VPS13A: variants seen among roughly 807,000 people sequenced by gnomAD.
VPS13A encodes intermembrane lipid transfer protein VPS13A.
Under a neutral mutation model 390.9 loss-of-function variants are expected in VPS13A, and 264 were observed. The ratio of observed to expected loss-of-function variants is 0.68; its 90% CI spans 0.61 to 0.75. VPS13A has a LOEUF of 0.75. Among genes scored for constraint, VPS13A ranks in the 30% least tolerant of loss-of-function variants. The probability of loss-of-function intolerance (pLI) is 0.00; values close to 1 mark genes in which losing one functional copy is unlikely to be tolerated. For synonymous variants in VPS13A, 1,231 were observed against 1,227.1 expected, an observed-to-expected ratio of 1.00 and a Z score of -0.07; for missense variants, 3,409 against 3,733.9, an observed-to-expected ratio of 0.91 and a Z score of 2.27.
intron 44 of VPS13A, 34 bp from the exon 45 acceptor site, chr9:77,323,033 A>G: frequency 6.7e-7 from 1 of 1,499,574 alleles, no homozygotes; most frequent in African/African-American, 1.4e-5. Flanking sequence ...AATGAATTAT[A>G]ATAAAAACTT....
At chr9:77,296,496 C>T (rs763640175) in intron 33 of VPS13A, among the ~76,000 whole-genome samples, 3 of 151,982 alleles carry the variant, frequency 2.0e-5, no homozygotes, top group Non-Finnish European at 2.9e-5. Context: ...ATATAATTCT[C>T]TTGCTTGTCT....
intron 52 of VPS13A, among the ~76,000 whole-genome samples, chr9:77,349,481 C>T (rs1431634414): frequency 1.3e-5 from 2 of 152,050 alleles, no homozygotes; most frequent in Non-Finnish European, 2.9e-5. Flanking sequence ...AATAGGTTCC[C>T]GATGTCAGTT....
At chr9:77,306,194 T>C (rs1270188202) in intron 34 of VPS13A, among the ~76,000 whole-genome samples, 1 of 152,122 alleles carries the variant, frequency 6.6e-6, no homozygotes, top group East Asian at 1.9e-4. Flanking sequence ...AAACACTAAA[T>C]TAGTGTGTCA....
At chr9:77,295,263 A>G (rs1008978879) in intron 32 of VPS13A, among the ~76,000 whole-genome samples, 2 of 152,106 alleles carry the variant, frequency 1.3e-5, no homozygotes, top group African/African-American at 4.8e-5. Context: ...CATTAGGGAA[A>G]GTGAGATAAG....
chr9:77,325,820 G>A (rs1829991837), intron 45 of VPS13A, among the ~76,000 whole-genome samples: 2 of 151,828 alleles, frequency 1.3e-5, no homozygotes, highest in African/African-American at 4.8e-5. Context: ...ATACATTTTT[G>A]TGTCTATGTA....
chr9:77,415,741 A>C (rs544502172), intron 71 of VPS13A, among the ~76,000 whole-genome samples: 1 of 152,256 alleles, frequency 6.6e-6, no homozygotes, highest in South Asian at 2.1e-4. Flanking sequence ...CCTTAGAAGA[A>C]CTGCATTCCT....
At position 77,416,129 on chromosome 9, in the gene VPS13A, AAAAC is replaced by A. The variant is rs1383733588; in HGVS notation, c.*127_*130del. On this transcript the variant is annotated 3_prime_UTR_variant, in exon 72 of 72. Transcript: ENST00000360280. Reference sequence around the variant, plus strand: ...AAGTACCCTGTATTCTGGATGCTAAAAAACAAAAACAAACAAAAAAACAAAAACA... The same window carrying A: ...AAGTACCCTGTATTCTGGATGCTAAAAAAAACAAACAAAAAAACAAAAACA... 1.7e-6 allele frequency: 2 copies of A among 1,162,388 alleles called. No individual in the cohort carries two copies. Among genetic ancestry groups the A allele is most frequent in the Non-Finnish European group, 2.5e-6 (2 of 804,282 alleles). The allele number at this position is 1,162,388 out of a possible 1,614,324, so 72.0% of individuals were successfully genotyped here.
At chr9:77,407,651 C>A in intron 71 of VPS13A, 44 bp downstream of exon 71, 1 of 1,409,594 alleles carries the variant, frequency 7.1e-7, no homozygotes, top group Non-Finnish European at 1.0e-6. Context: ...CTGCTCACTT[C>A]AAAATCATGT....
In VPS13A at chr9:77,212,313, C is replaced by T. The variant is rs11145340; in HGVS notation, c.556-656C>T. ...TTATATTCTCCTGCATACTGAGCTA[C>T]TTCAGTTGCCTGAATGTGCCATATA... On this transcript the variant is annotated intron_variant, in intron 7 of 71. Transcript: ENST00000360280. Among the ~76,000 whole-genome samples the T allele has an allele frequency of 1.5e-3, 236 of 152,312 alleles. 8 individuals carry two copies. In the East Asian group the frequency reaches 0.038, roughly 25 times the overall value.
At chr9:77,308,854 T>C (rs183453699) in intron 35 of VPS13A, among the ~76,000 whole-genome samples, 29 of 152,316 alleles carry the variant, frequency 1.9e-4, no homozygotes, top group Admixed American at 4.6e-4. Context: ...CACAGCATTT[T>C]TACTCAGGGA....
chr9:77,228,786 G>A (rs149141446), intron 17 of VPS13A, among the ~76,000 whole-genome samples: 3 of 152,226 alleles, frequency 2.0e-5, no homozygotes, highest in African/African-American at 7.2e-5. Flanking sequence ...CACATGGCTG[G>A]GGAGGCCTCA....
At chr9:77,271,731 G>T (rs1826365211) in intron 23 of VPS13A, among the ~76,000 whole-genome samples, 1 of 152,038 alleles carries the variant, frequency 6.6e-6, no homozygotes, top group Non-Finnish European at 1.5e-5. Context: ...GGATTACTTG[G>T]CAATTCATTT....
Position 77,210,568 on chromosome 9 carries a change from A to T in VPS13A, c.496-48A>T, listed in dbSNP as rs752813760. On this transcript the variant is annotated intron_variant, in intron 6 of 71. Transcript: ENST00000360280. ...CAGTTTTTTCTATAAAGTGGATTTT[A>T]TCCAACTACTAAAAATCTGAATAAA... 1.9e-6 allele frequency: 3 copies of T among 1,576,164 alleles called. No homozygotes were observed. In the South Asian group the frequency reaches 3.3e-5, roughly 18 times the overall value.
intron 35 of VPS13A, among the ~76,000 whole-genome samples, chr9:77,310,145 G>A (rs951086319): frequency 4.6e-5 from 7 of 151,968 alleles, no homozygotes; most frequent in African/African-American, 1.7e-4. Flanking sequence ...ATACCCATTC[G>A]TAAAAGAAAT....
chr9:77,191,381 C>T (rs564121790), intron 1 of VPS13A, among the ~76,000 whole-genome samples: 1 of 151,296 alleles, frequency 6.6e-6, no homozygotes, highest in East Asian at 1.9e-4. Flanking sequence ...GCAGCCTCCA[C>T]CTTCCAGGCT....
intron 19 of VPS13A, among the ~76,000 whole-genome samples, chr9:77,242,568 G>T (rs1411475175): frequency 2.0e-5 from 3 of 151,918 alleles, no homozygotes; most frequent in Non-Finnish European, 4.4e-5. Flanking sequence ...TAAAATCTGG[G>T]AATTCCATTC....
intron 15 of VPS13A, 150 bp from the exon 16 acceptor site, chr9:77,227,241 T>C: frequency 6.4e-6 from 4 of 620,944 alleles, no homozygotes; most frequent in Non-Finnish European, 1.1e-5. Flanking sequence ...ACTTGTAAAA[T>C]TGCCAGCCCC....
intron 46 of VPS13A, among the ~76,000 whole-genome samples, 191 bp downstream of exon 46, chr9:77,332,304 A>C (rs376703396): frequency 6.6e-6 from 1 of 152,020 alleles, no homozygotes; most frequent in African/African-American, 2.4e-5. Context: ...CAAGCACACT[A>C]TATATGCTTT....
intron 41 of VPS13A, 40 bp downstream of exon 41, chr9:77,318,631 G>A (rs778274366): frequency 3.0e-5 from 42 of 1,410,910 alleles, no homozygotes; most frequent in East Asian, 9.1e-5. Flanking sequence ...ATAATGATAC[G>A]TATGGAATAT....
Sources: allele counts gnomAD v4.1 joint callset (sites outside exome capture counted in the v4.1 genomes callset), GRCh38; gene constraint gnomAD v4.1.1; transcripts MANE v1.5; gene names NCBI Gene and HGNC (gene_info 2026-07-23, HGNC 2026-07-21).